Variants in SPHK2 observed in about 807,000 individuals in gnomAD.
SPHK2 encodes sphingosine kinase 2.
SPHK2 carries 18 observed loss-of-function variants against 32.3 expected under a neutral mutation model. The observed-to-expected ratio is 0.56, with a 90% CI of 0.39 to 0.83. The LOEUF (loss-of-function observed/expected upper bound fraction) is 0.83, where lower values mean the gene tolerates loss of function less well. SPHK2 is among the 40% of genes least tolerant of loss of function. The pLI, the probability that SPHK2 is intolerant of heterozygous loss-of-function variation, is 0.00. For missense variants in SPHK2, 850 were observed against 908.7 expected (o/e 0.94, Z 0.83); for synonymous variants, 462 against 417.6 (o/e 1.11, Z -1.30).
In SPHK2 at chr19:48,629,365, G is replaced by C; in HGVS notation, c.1557G>C (p.Leu519=). Residue 519 remains leucine, a synonymous_variant, in exon 7 of 7, where the codon CTG becomes CTC. Transcript: ENST00000245222. ...GASTCGPPDH[L]LPPLGTPLPP... ...CCACCTGCGGCCCGCCCGACCACCT[G>C]CTGCCTCCGCTGGGCACCCCGCTGC... 1 of 1,612,098 alleles carries C rather than the reference G, an allele frequency of 6.2e-7. No homozygotes were observed. The highest frequency in any genetic ancestry group is 8.5e-7 in the Non-Finnish European group (1 of 1,179,530).
At chr19:48,624,915 TGA>T (rs1291652868) in intron 2 of SPHK2, 2 of 959,960 alleles carry the variant, frequency 2.1e-6, no homozygotes, top group East Asian at 2.4e-4. Context: ...CTGGGGAATG[TGA>T]GGGGCAGGAC....
At chr19:48,625,165 C>G (rs1477713228) in intron 2 of SPHK2, 1 of 1,014,522 alleles carries the variant, frequency 9.9e-7, no homozygotes, top group East Asian at 1.1e-4. Flanking sequence ...CTGTCATATC[C>G]CTTCTCTCCA....
chr19:48,627,305 A>T (rs527401969), intron 3 of SPHK2, among the ~76,000 whole-genome samples: 1 of 152,292 alleles, frequency 6.6e-6, no homozygotes, highest in South Asian at 2.1e-4. Flanking sequence ...ACCAGGTACC[A>T]CCCAGAGTGA....
In SPHK2 at chr19:48,629,763, G is replaced by C. The variant is rs11881285; in HGVS notation, c.1955G>C (p.Arg652Pro). The C allele has an allele frequency of 1.3e-6, 2 of 1,571,734 alleles. No individual in the cohort carries two copies. The highest frequency in any genetic ancestry group is 3.7e-5 in the Admixed American group (2 of 54,690). The change falls in exon 7 of 7, where the codon CGG becomes CCG. Residue 652 changes from arginine to proline, a missense_variant. Arg to Pro is a moderately radical substitution (Grantham distance 103). Coordinates refer to ENST00000245222, the MANE Select transcript of SPHK2 (RefSeq NM_020126.5). ...LLTGPPGCPG[R>P]EP ...ACTGGGCCTCCTGGCTGCCCGGGGC[G>C]GGAGCCCTGAAACTAAACAAGCTTG...
chr19:48,627,392 G>A (rs1487053054), intron 3 of SPHK2, among the ~76,000 whole-genome samples: 3 of 152,346 alleles, frequency 2.0e-5, no homozygotes, highest in South Asian at 4.1e-4. Flanking sequence ...CCTAAGGGCT[G>A]GAAGTAACCT....
At chr19:48,623,025 A>G (rs1381107757) in intron 2 of SPHK2, among the ~76,000 whole-genome samples, 2 of 151,396 alleles carry the variant, frequency 1.3e-5, no homozygotes, top group Non-Finnish European at 2.9e-5. Flanking sequence ...CGGATGGATC[A>G]CGAGGTCAGG....
intron 2 of SPHK2, chr19:48,625,169 C>T (rs1974556797): frequency 2.0e-6 from 2 of 1,015,666 alleles, no homozygotes; most frequent in Admixed American, 5.3e-5. Context: ...CATATCCCTT[C>T]TCTCCAGCTG....
Position 48,627,903 on chromosome 19 carries a change from G to T in SPHK2, c.661+62G>T, listed in dbSNP as rs557927727. The T allele has an allele frequency of 1.9e-6, 3 of 1,575,284 alleles. No homozygotes were observed. In the Admixed American group the frequency reaches 5.3e-5, roughly 28 times the overall value. ...CAGCTGAGTCCTAAGGGAGCAAAGTGGTGGGTGGGACTCCTGGGTCTATGG... is the reference window on the plus strand; with the variant it reads ...CAGCTGAGTCCTAAGGGAGCAAAGTTGTGGGTGGGACTCCTGGGTCTATGG... On this transcript the variant is annotated intron_variant, in intron 4 of 6. Coordinates refer to ENST00000245222, the MANE Select transcript of SPHK2 (RefSeq NM_020126.5).
chr19:48,619,900 A>T (rs1974332900), intron 1 of SPHK2: 1 of 153,374 alleles, frequency 6.5e-6, no homozygotes, highest in Non-Finnish European at 1.5e-5. Flanking sequence ...GGAGACCTAG[A>T]AAGAGGGGTG....
chr19:48,629,905 G>T lies in SPHK2; in HGVS notation c.*132G>T, dbSNP rs1601173622. On this transcript the variant is annotated 3_prime_UTR_variant, in exon 7 of 7. Coordinates refer to ENST00000245222, the MANE Select transcript of SPHK2 (RefSeq NM_020126.5). ...CTGGCCCCGTCTCAGGATTGCGCTC[G>T]CTTTCATGGGACCAGACGTGATGCT... The T allele has an allele frequency of 2.1e-6, 3 of 1,436,820 alleles. No individual in the cohort carries two copies. The highest frequency in any genetic ancestry group is 5.0e-5 in the East Asian group (2 of 40,048). The allele number at this position is 1,436,820 out of a possible 1,614,324, so 89.0% of individuals were successfully genotyped here.
In SPHK2 at chr19:48,628,546, AGGTGGCCCCAC is replaced by A. The variant is rs2147697073; in HGVS notation, c.873-132_873-122del. Reference sequence around the variant, plus strand: ...CCTGGCCCCGTAAGGAGTCGCCTGGAGGTGGCCCCACGGCTGTGGTGGGCCTGGGCCATGGC... The same window carrying A: ...CCTGGCCCCGTAAGGAGTCGCCTGGAGGCTGTGGTGGGCCTGGGCCATGGC... On this transcript the variant is annotated intron_variant, in intron 6 of 6. Coordinates refer to ENST00000245222, the MANE Select transcript of SPHK2 (RefSeq NM_020126.5). The surrounding 1 kb of genome is among the most constrained non-coding windows in gnomAD (Gnocchi z 5.2). The A allele has an allele frequency of 3.5e-6, 4 of 1,128,768 alleles. No individual in the cohort carries two copies. In the East Asian group the frequency reaches 7.1e-5, roughly 20 times the overall value. 69.9% of individuals were successfully genotyped at this position (1,128,768 alleles called of 1,614,324 possible).
chr19:48,622,207 C>A (rs1453065606), intron 2 of SPHK2, among the ~76,000 whole-genome samples: 1 of 148,146 alleles, frequency 6.8e-6, no homozygotes, highest in Non-Finnish European at 1.5e-5. Flanking sequence ...TGCAGTGAGT[C>A]GAGATCGCGC....
Position 48,629,186 on chromosome 19 carries a change from G to A in SPHK2, c.1378G>A (p.Ala460Thr). Residue 460 changes from alanine to threonine, a missense_variant, in exon 7 of 7, where the codon GCT becomes ACT. Physicochemically the swap from Ala to Thr is moderately conservative, Grantham distance 58. Transcript: ENST00000245222. ...GPELAGDWGG[A>T]GDAPLSPDPL... ...AGAGCTGGCTGGGGACTGGGGTGGG[G>A]CTGGGGATGCTCCGCTGTCCCCGGA... is the stretch of plus-strand genomic sequence containing the variant. 1.2e-6 allele frequency: 2 copies of A among 1,613,450 alleles called. No individual in the cohort carries two copies. Among genetic ancestry groups the A allele is most frequent in the Non-Finnish European group, 1.7e-6 (2 of 1,179,962 alleles).
chr19:48,629,656 C>T lies in SPHK2; in HGVS notation c.1848C>T (p.Arg616=), dbSNP rs1158761480. 2 of 1,604,528 alleles carry T rather than the reference C, an allele frequency of 1.2e-6. No homozygotes were observed. The highest frequency in any genetic ancestry group is 1.1e-5 in the South Asian group (1 of 89,726). ...RAFRLEPLTP[R]GVLTVDGEQV... Reference sequence around the variant, plus strand: ...TCCGCCTAGAGCCGCTCACACCACGCGGCGTGCTCACAGTGGACGGGGAGC... The same window carrying T: ...TCCGCCTAGAGCCGCTCACACCACGTGGCGTGCTCACAGTGGACGGGGAGC... The change falls in exon 7 of 7, where the codon CGC becomes CGT. Residue 616 remains arginine, a synonymous_variant. Coordinates refer to ENST00000245222, the MANE Select transcript of SPHK2 (RefSeq NM_020126.5).
At chr19:48,620,145 G>A (rs1974343346) in intron 1 of SPHK2, among the ~76,000 whole-genome samples, 1 of 152,142 alleles carries the variant, frequency 6.6e-6, no homozygotes, top group Admixed American at 6.5e-5. Context: ...TCAGGATTAT[G>A]AAAGTTAATA....
chr19:48,620,265 T>C, intron 1 of SPHK2, 137 bp from the exon 2 acceptor site: 1 of 491,702 alleles, frequency 2.0e-6, no homozygotes. Context: ...GCTGGGGCAG[T>C]GATTAAAATG....
At chr19:48,620,360 G>A (rs889336193) in intron 1 of SPHK2, 42 bp from the exon 2 acceptor site, 4 of 582,870 alleles carry the variant, frequency 6.9e-6, no homozygotes, top group African/African-American at 1.9e-5. Context: ...GCCTCCTGCA[G>A]TTGGCTGTCA....
chr19:48,619,742 C>T (rs902243159), intron 1 of SPHK2, 199 bp downstream of exon 1: 3 of 154,870 alleles, frequency 1.9e-5, no homozygotes, highest in Non-Finnish European at 4.3e-5. Flanking sequence ...CCTGTATTCC[C>T]ATCCTTTGAG....
intron 2 of SPHK2, chr19:48,623,245 A>AT (rs1281744434): frequency 6.6e-6 from 1 of 150,780 alleles, no homozygotes; most frequent in East Asian, 2.0e-4. Context: ...ATCTCAAAAA[A>AT]AAAAAAAAAA....
Sources: allele counts gnomAD v4.1 joint callset (sites outside exome capture counted in the v4.1 genomes callset), GRCh38; gene constraint gnomAD v4.1.1; non-coding constraint Gnocchi (gnomAD v3.1); transcripts MANE v1.5; gene names NCBI Gene and HGNC (gene_info 2026-07-23, HGNC 2026-07-21).